FYN: variants seen among roughly 807,000 people sequenced by gnomAD.
FYN encodes FYN proto-oncogene, Src family tyrosine kinase, also known as tyrosine-protein kinase Fyn.
FYN carries 10 observed loss-of-function variants against 70.2 expected under a neutral mutation model. The ratio of observed to expected loss-of-function variants is 0.14; its 90% CI spans 0.09 to 0.24. FYN has a LOEUF of 0.24. Ranked by LOEUF, FYN falls within the 10% of genes least tolerant of loss-of-function variation. FYN has a pLI of 1.00. For synonymous variants in FYN, 236 were observed against 248.6 expected (o/e 0.95, Z 0.48); for missense variants, 319 against 673.1 (o/e 0.47, Z 5.82).
chr6:111,758,630 C>T (rs1235680144), intron 3 of FYN, among the ~76,000 whole-genome samples: 1 of 152,250 alleles, frequency 6.6e-6, no homozygotes, highest in East Asian at 1.9e-4. Context: ...CTCCTGAACT[C>T]CTGTTCTCCA....
chr6:111,711,855 T>G (rs1471196896), intron 5 of FYN, among the ~76,000 whole-genome samples: 4 of 152,252 alleles, frequency 2.6e-5, no homozygotes, highest in Non-Finnish European at 5.9e-5. Context: ...ACAAACCTTA[T>G]TTTTCTTTTC....
chr6:111,802,220 G>GA (rs1772008449), intron 2 of FYN, among the ~76,000 whole-genome samples: 1 of 151,816 alleles, frequency 6.6e-6, no homozygotes, highest in Non-Finnish European at 1.5e-5. Context: ...AAAGCATGTG[G>GA]CACCTCCCCC....
chr6:111,706,231 G>C (rs1319262229), intron 6 of FYN, among the ~76,000 whole-genome samples: 1 of 152,184 alleles, frequency 6.6e-6, no homozygotes, highest in Non-Finnish European at 1.5e-5. Context: ...ATGAGCAGCA[G>C]GTGCCCCCAA....
At chr6:111,679,058 C>T (rs150284969) in intron 12 of FYN, among the ~76,000 whole-genome samples, 68 of 152,318 alleles carry the variant, frequency 4.5e-4, no homozygotes, top group African/African-American at 1.5e-3. Flanking sequence ...TGCTTCTTAT[C>T]ATCCCAGACT....
chr6:111,712,639 TA>T (rs1562485691), intron 5 of FYN, among the ~76,000 whole-genome samples: 1 of 152,234 alleles, frequency 6.6e-6, no homozygotes, highest in African/African-American at 2.4e-5. Context: ...CGTCGATGCA[TA>T]CCTCAGACAG....
chr6:111,824,674 C>G (rs546664558), intron 2 of FYN, among the ~76,000 whole-genome samples: 1 of 152,262 alleles, frequency 6.6e-6, no homozygotes, highest in South Asian at 2.1e-4. Flanking sequence ...CTGAATTTCA[C>G]TTTTTATTTG....
intron 2 of FYN, among the ~76,000 whole-genome samples, chr6:111,838,952 A>G (rs1773270445): frequency 6.6e-6 from 1 of 152,216 alleles, no homozygotes; most frequent in Admixed American, 6.5e-5. Flanking sequence ...TTCTGACTTC[A>G]GACCGGGGCT....
chr6:111,807,115 T>C (rs1772174796), intron 2 of FYN, among the ~76,000 whole-genome samples: 1 of 152,218 alleles, frequency 6.6e-6, no homozygotes. Flanking sequence ...CATGGGCTTA[T>C]AACAAGGGAT....
intron 2 of FYN, among the ~76,000 whole-genome samples, chr6:111,800,587 C>T (rs1771954224): frequency 6.6e-6 from 1 of 152,192 alleles, no homozygotes; most frequent in South Asian, 2.1e-4. Context: ...CTGTCACAGG[C>T]TCATCCCATT....
At chr6:111,742,127 A>G (rs1583393297) in intron 3 of FYN, among the ~76,000 whole-genome samples, 1 of 152,198 alleles carries the variant, frequency 6.6e-6, no homozygotes, top group East Asian at 1.9e-4. Flanking sequence ...TCCTCCAGGC[A>G]TTGTGCGGGA....
chr6:111,852,857 C>T (rs572044851), intron 1 of FYN, among the ~76,000 whole-genome samples: 31 of 152,268 alleles, frequency 2.0e-4, no homozygotes, highest in African/African-American at 7.5e-4. Context: ...CATTAGTTGC[C>T]ATGGAAACGA....
chr6:111,785,984 C>A (rs966842632), intron 2 of FYN, among the ~76,000 whole-genome samples: 1 of 151,952 alleles, frequency 6.6e-6, no homozygotes, highest in Admixed American at 6.6e-5. Context: ...CATGTCCCTA[C>A]AAAGGACATG....
At chr6:111,727,980 T>C (rs1583371167) in intron 3 of FYN, among the ~76,000 whole-genome samples, 1 of 151,944 alleles carries the variant, frequency 6.6e-6, no homozygotes, top group East Asian at 1.9e-4. Context: ...AAGCGCTCAA[T>C]AAAAGAGAAA....
At chr6:111,748,824 G>A (rs1802356001) in intron 3 of FYN, among the ~76,000 whole-genome samples, 1 of 151,958 alleles carries the variant, frequency 6.6e-6, no homozygotes, top group South Asian at 2.1e-4. Flanking sequence ...GTTTCTTTTT[G>A]CTTTTTAAAT....
intron 12 of FYN, among the ~76,000 whole-genome samples, chr6:111,688,312 T>C (rs1799121731): frequency 6.6e-6 from 1 of 152,126 alleles, no homozygotes; most frequent in Non-Finnish European, 1.5e-5. Context: ...AAAGACAATC[T>C]TGGAGTGTGC....
chr6:111,775,881 C>T (rs765138936), intron 3 of FYN, among the ~76,000 whole-genome samples: 25 of 152,136 alleles, frequency 1.6e-4, no homozygotes, highest in Admixed American at 9.8e-4. Context: ...TGGGATTCTC[C>T]GCCTTTAACT....
intron 1 of FYN, among the ~76,000 whole-genome samples, chr6:111,869,148 G>A (rs1229463204): frequency 6.6e-6 from 1 of 152,222 alleles, no homozygotes; most frequent in African/African-American, 2.4e-5. Context: ...GGAGAACAGG[G>A]ACTACCCAGA....
Position 111,781,607 on chromosome 6 carries a change from C to T in FYN, c.-81-972G>A, listed in dbSNP as rs111375454. ...ATTATCCTATCAAATGCTGTAACGC[C>T]CAGAGGCCTGTCCGGCCTCTGAGCC... is the stretch of plus-strand genomic sequence containing the variant. On this transcript the variant is annotated intron_variant, in intron 2 of 13. Coordinates refer to ENST00000354650, the MANE Select transcript of FYN (RefSeq NM_002037.5). 2.6e-3 allele frequency among the ~76,000 whole-genome samples: 396 copies of T among 152,332 alleles called. 4 individuals are homozygous for T. Among genetic ancestry groups the T allele is most frequent in the African/African-American group, 8.9e-3 (369 of 41,588 alleles).
At chr6:111,683,126 G>A (rs1227556608) in intron 12 of FYN, among the ~76,000 whole-genome samples, 1 of 152,230 alleles carries the variant, frequency 6.6e-6, no homozygotes, top group East Asian at 1.9e-4. Context: ...GGTTGCCTCC[G>A]CCCTTGGGGT....
Sources: allele counts gnomAD v4.1 joint callset (sites outside exome capture counted in the v4.1 genomes callset), GRCh38; gene constraint gnomAD v4.1.1; transcripts MANE v1.5; gene names NCBI Gene and HGNC (gene_info 2026-07-23, HGNC 2026-07-21).